Variants in ZFPM2 observed in about 807,000 individuals in gnomAD.
ZFPM2 encodes zinc finger protein ZFPM2.
A neutral mutation model predicts 98.6 loss-of-function variants in ZFPM2; 20 were observed. That is an observed-to-expected ratio of 0.20 (90% CI 0.14 to 0.29). The LOEUF is 0.29. Among genes scored for constraint, ZFPM2 ranks in the 10% least tolerant of loss-of-function variants. The pLI, the probability that ZFPM2 is intolerant of heterozygous loss-of-function variation, is 1.00. For missense variants in ZFPM2, 1,310 were observed against 1,388.6 expected (o/e 0.94, Z 0.90); for synonymous variants, 518 against 502.7 (o/e 1.03, Z -0.41).
intron 2 of ZFPM2, among the ~76,000 whole-genome samples, chr8:105,439,528 C>T (rs926397433): frequency 6.6e-6 from 1 of 152,114 alleles, no homozygotes; most frequent in Non-Finnish European, 1.5e-5. Flanking sequence ...ATCTGCCACC[C>T]CTGTGATGTG....
chr8:105,407,434 T>C (rs1022858662), intron 1 of ZFPM2, among the ~76,000 whole-genome samples: 1 of 151,930 alleles, frequency 6.6e-6, no homozygotes, highest in African/African-American at 2.4e-5. Flanking sequence ...GGCAACTATT[T>C]GAAAATAGGA....
At chr8:105,462,017 G>A (rs1812712678) in intron 3 of ZFPM2, among the ~76,000 whole-genome samples, 1 of 152,116 alleles carries the variant, frequency 6.6e-6, no homozygotes, top group Non-Finnish European at 1.5e-5. Context: ...CCTAATTGGA[G>A]TTCTTTCTTC....
intron 3 of ZFPM2, among the ~76,000 whole-genome samples, chr8:105,489,850 A>G (rs1813323097): frequency 6.6e-6 from 1 of 152,188 alleles, no homozygotes; most frequent in Non-Finnish European, 1.5e-5. Context: ...TCTTACACTT[A>G]TATTTTCAAA....
At chr8:105,407,526 A>G (rs10464844) in intron 1 of ZFPM2, among the ~76,000 whole-genome samples, 51,398 of 151,810 alleles carry the variant, frequency 0.34, 10,793 homozygotes, top group African/African-American at 0.6. Flanking sequence ...TAAGAGCAAC[A>G]TGAATTAAAT....
intron 1 of ZFPM2, among the ~76,000 whole-genome samples, chr8:105,391,022 C>T (rs1325167374): frequency 1.3e-5 from 2 of 152,156 alleles, no homozygotes; most frequent in Non-Finnish European, 2.9e-5. Flanking sequence ...AGTCAAGACT[C>T]CATAGCATAA....
chr8:105,787,100 T>G (rs1345024941), intron 5 of ZFPM2: 2 of 152,204 alleles, frequency 1.3e-5, no homozygotes, highest in East Asian at 3.8e-4. Flanking sequence ...TGGATCTGAA[T>G]GCCCATAAGG....
Position 105,636,666 on chromosome 8 carries a change from A to G in ZFPM2, c.532+2309A>G, listed in dbSNP as rs117909307. On this transcript the variant is annotated intron_variant, in intron 5 of 7. Coordinates refer to ENST00000407775, the MANE Select transcript of ZFPM2 (RefSeq NM_012082.4). ...GGCATGCTACCTGTACAAGAAAAGC[A>G]CTAAGTAAATATAGATTGGTTGACC... 9.8e-4 allele frequency among the ~76,000 whole-genome samples: 149 copies of G among 152,304 alleles called. 3 individuals carry two copies. In the East Asian group the frequency reaches 0.027, roughly 27 times the overall value.
intron 5 of ZFPM2, among the ~76,000 whole-genome samples, chr8:105,642,014 G>T (rs1226224560): frequency 6.6e-6 from 1 of 152,216 alleles, no homozygotes; most frequent in Non-Finnish European, 1.5e-5. Flanking sequence ...AATGAGAAAT[G>T]AAGAGTGGGG....
chr8:105,693,526 A>G (rs866337093), intron 5 of ZFPM2, among the ~76,000 whole-genome samples: 1 of 152,260 alleles, frequency 6.6e-6, no homozygotes, highest in South Asian at 2.1e-4. Flanking sequence ...TTAGGAAAGC[A>G]TAGCCAAGCG....
intron 6 of ZFPM2, among the ~76,000 whole-genome samples, chr8:105,790,812 C>T (rs1469737971): frequency 6.6e-6 from 1 of 152,146 alleles, no homozygotes; most frequent in Non-Finnish European, 1.5e-5. Flanking sequence ...TCCTTCACAT[C>T]CCTTGTAAGT....
Position 105,601,114 on chromosome 8 carries a change from A to G in ZFPM2, c.421-33132A>G, listed in dbSNP as rs1297048860. Among the ~76,000 whole-genome samples, 3 of 152,194 alleles carry G rather than the reference A, an allele frequency of 2.0e-5. No homozygotes were observed. In the East Asian group the frequency reaches 5.8e-4, roughly 29 times the overall value. On this transcript the variant is annotated intron_variant, in intron 4 of 7. Coordinates refer to ENST00000407775, the MANE Select transcript of ZFPM2 (RefSeq NM_012082.4). ...CCCTGGGTTATGCTCCTGAACTTATACTTGGCAGCTGACAAAGAATCGTTT... is the reference window on the plus strand; with the variant it reads ...CCCTGGGTTATGCTCCTGAACTTATGCTTGGCAGCTGACAAAGAATCGTTT...
chr8:105,470,952 A>G (rs972386780), intron 3 of ZFPM2, among the ~76,000 whole-genome samples: 7 of 152,230 alleles, frequency 4.6e-5, no homozygotes, highest in Non-Finnish European at 7.3e-5. Flanking sequence ...CATATAAAAT[A>G]ATGGCTGACA....
At chr8:105,688,007 A>G (rs1810780506) in intron 5 of ZFPM2, among the ~76,000 whole-genome samples, 1 of 152,142 alleles carries the variant, frequency 6.6e-6, no homozygotes, top group African/African-American at 2.4e-5. Flanking sequence ...TCAAAGGGGC[A>G]CTTACAATGA....
chr8:105,422,760 A>G (rs1165532611), intron 2 of ZFPM2, among the ~76,000 whole-genome samples: 1 of 152,192 alleles, frequency 6.6e-6, no homozygotes, highest in Non-Finnish European at 1.5e-5. Context: ...TTGACACATT[A>G]TCAGGGGAGC....
intron 4 of ZFPM2, among the ~76,000 whole-genome samples, chr8:105,631,006 G>A (rs868540310): frequency 2.0e-5 from 3 of 152,258 alleles, no homozygotes; most frequent in Admixed American, 6.5e-5. Context: ...TGGAAACAAA[G>A]CTAATATAAA....
intron 1 of ZFPM2, among the ~76,000 whole-genome samples, chr8:105,340,571 A>G (rs1244812544): frequency 6.6e-6 from 1 of 151,972 alleles, no homozygotes; most frequent in African/African-American, 2.4e-5. Context: ...AAATCCATTT[A>G]ATGTAGTTTT....
intron 4 of ZFPM2, among the ~76,000 whole-genome samples, chr8:105,583,773 A>G (rs543026950): frequency 6.6e-6 from 1 of 152,290 alleles, no homozygotes; most frequent in East Asian, 1.9e-4. Context: ...GCTAGGAGAA[A>G]AGGACCTGAA....
At chr8:105,387,633 A>C (rs1164665882) in intron 1 of ZFPM2, 4 of 152,302 alleles carry the variant, frequency 2.6e-5, no homozygotes, top group Admixed American at 6.5e-5. Context: ...ACTGACCCGC[A>C]AGCGCTGTGC....
At chr8:105,557,849 C>G (rs1815034303) in intron 3 of ZFPM2, among the ~76,000 whole-genome samples, 1 of 152,122 alleles carries the variant, frequency 6.6e-6, no homozygotes, top group Admixed American at 6.6e-5. Context: ...GGTTCGGGGA[C>G]TTAAGTCTGT....
Sources: allele counts gnomAD v4.1 joint callset (sites outside exome capture counted in the v4.1 genomes callset), GRCh38; gene constraint gnomAD v4.1.1; transcripts MANE v1.5; gene names NCBI Gene and HGNC (gene_info 2026-07-23, HGNC 2026-07-21).